Variants in TLE3 observed in about 807,000 individuals in gnomAD.
The protein encoded by TLE3 is transducin-like enhancer protein 3.
TLE3 carries 14 observed loss-of-function variants against 93.0 expected under a neutral mutation model. The ratio of observed to expected loss-of-function variants is 0.15; its 90% CI spans 0.10 to 0.24. TLE3 has a LOEUF of 0.24. Among genes scored for constraint, TLE3 ranks in the 10% least tolerant of loss-of-function variants. TLE3 has a pLI of 1.00. For synonymous variants in TLE3, 451 were observed against 425.0 expected (o/e 1.06, Z -0.75); for missense variants, 693 against 1,046.6 (o/e 0.66, Z 4.66).
chr15:70,061,986 G>C (rs558358773), intron 8 of TLE3, among the ~76,000 whole-genome samples: 9 of 152,192 alleles, frequency 5.9e-5, no homozygotes, highest in Non-Finnish European at 8.8e-5. Context: ...GAGGCCAAGC[G>C]TGGCTCAGGG....
At chr15:70,095,746 C>G (rs1015921527) in intron 2 of TLE3, 105 bp from the exon 3 acceptor site, 2 of 1,381,772 alleles carry the variant, frequency 1.4e-6, no homozygotes, top group Non-Finnish European at 1.9e-6. Context: ...CCTGACACCC[C>G]CCCGGGGGCG....
chr15:70,075,983 AT>A (rs1595947781), intron 5 of TLE3, 112 bp downstream of exon 5: 7 of 983,106 alleles, frequency 7.1e-6, no homozygotes, highest in Non-Finnish European at 1.1e-5. Context: ...GTCAGTATGA[AT>A]GGACAGGGGC....
At chr15:70,074,814 T>C (rs2057362238) in intron 5 of TLE3, among the ~76,000 whole-genome samples, 1 of 152,248 alleles carries the variant, frequency 6.6e-6, no homozygotes, top group Non-Finnish European at 1.5e-5. Context: ...GTATTAGTTT[T>C]GTAATTGAAA....
chr15:70,065,976 C>CCAGCCCCCCCCCCCCCA, intron 7 of TLE3, 38 bp downstream of exon 7: 1 of 1,292,580 alleles, frequency 7.7e-7, no homozygotes, highest in Non-Finnish European at 1.1e-6. Flanking sequence ...CATGCCCACC[C>CCAGCCCCCCCCCCCCCA]CTGCCCCGCC....
intron 9 of TLE3, 98 bp downstream of exon 9, chr15:70,060,432 C>A: frequency 1.3e-6 from 2 of 1,519,724 alleles, no homozygotes; most frequent in South Asian, 1.2e-5. Context: ...TGACTCACTG[C>A]CAACCACAAG....
At chr15:70,067,232 C>T (rs988191280) in intron 6 of TLE3, among the ~76,000 whole-genome samples, 6 of 152,176 alleles carry the variant, frequency 3.9e-5, no homozygotes, top group Non-Finnish European at 7.3e-5. Flanking sequence ...CCTCTCCCTT[C>T]GCCCCACCCA....
chr15:70,074,081 T>C (rs1461175868), intron 6 of TLE3, among the ~76,000 whole-genome samples: 2 of 152,254 alleles, frequency 1.3e-5, no homozygotes, highest in East Asian at 1.9e-4. Flanking sequence ...CACAGCACGA[T>C]GCACATCAAC....
intron 18 of TLE3, 128 bp downstream of exon 18, chr15:70,052,246 G>C (rs191814780): frequency 9.3e-5 from 111 of 1,198,286 alleles, no homozygotes; most frequent in Middle Eastern, 8.8e-4. Context: ...CCAGCTCAGG[G>C]GTCAGGAGGC....
Position 70,076,171 on chromosome 15 carries a change from G to C in TLE3, c.235-13C>G, listed in dbSNP as rs1595948737. 1 of 1,613,542 alleles carries C rather than the reference G, an allele frequency of 6.2e-7. No homozygotes were observed. The highest frequency in any genetic ancestry group is 1.3e-5 in the African/African-American group (1 of 74,932). ...TCGCAATCTCTGTCTGCAAAGGCAA[G>C]GAGACCACATGAAGCTCAGGCAAAT... On this transcript the variant is annotated splice_polypyrimidine_tract_variant and intron_variant, in intron 4 of 19. Transcript: ENST00000451782.
intron 14 of TLE3, chr15:70,056,048 T>C (rs2055991060): frequency 1.0e-5 from 6 of 575,784 alleles, no homozygotes; most frequent in East Asian, 3.0e-5. Context: ...CCAGTGGCCA[T>C]GTACTTAGCT....
At chr15:70,083,247 C>T (rs1195178713) in intron 4 of TLE3, among the ~76,000 whole-genome samples, 1 of 85,828 alleles carries the variant, frequency 1.2e-5, no homozygotes, top group East Asian at 3.5e-4. Flanking sequence ...AGCTCAAGTC[C>T]CTCCTGGCTT....
At chr15:70,055,382 G>GC in intron 14 of TLE3, 84 bp from the exon 15 acceptor site, 2 of 1,497,930 alleles carry the variant, frequency 1.3e-6, no homozygotes, top group Non-Finnish European at 1.8e-6. Context: ...CATCTGCACT[G>GC]CCCCCGACTG....
intron 4 of TLE3, among the ~76,000 whole-genome samples, chr15:70,080,039 C>T (rs2057685199): frequency 7.0e-6 from 1 of 143,626 alleles, no homozygotes; most frequent in Admixed American, 7.2e-5. Context: ...CTCAAACAAG[C>T]TCTAAACATC....
At chr15:70,073,560 G>T (rs1194457936) in intron 6 of TLE3, among the ~76,000 whole-genome samples, 1 of 152,222 alleles carries the variant, frequency 6.6e-6, no homozygotes, top group Non-Finnish European at 1.5e-5. Context: ...TAGGAACACA[G>T]ATTTCCAGTC....
chr15:70,061,331 T>G (rs35104041), intron 8 of TLE3, among the ~76,000 whole-genome samples: 40,476 of 151,922 alleles, frequency 0.27, 6,856 homozygotes, highest in Middle Eastern at 0.46. Flanking sequence ...GCAGGGACAG[T>G]CACTGCCTCT....
chr15:70,079,329 G>T (rs769293527), intron 4 of TLE3: 11 of 494,524 alleles, frequency 2.2e-5, no homozygotes, highest in Non-Finnish European at 4.5e-5. Context: ...AAGGCAGGAA[G>T]GACTTTGGCA....
At chr15:70,067,957 T>C (rs1202926342) in intron 6 of TLE3, among the ~76,000 whole-genome samples, 2 of 152,170 alleles carry the variant, frequency 1.3e-5, no homozygotes, top group Non-Finnish European at 2.9e-5. Flanking sequence ...TGAGACACTA[T>C]GGCAGACACA....
rs1318014658 is a variant in TLE3 at position 70,096,057 on chromosome 15, G to A, written c.125+104C>T. On this transcript the variant is annotated intron_variant, in intron 2 of 19. Coordinates refer to ENST00000451782, the MANE Select transcript of TLE3 (RefSeq NM_001105192.3). ...AGGCGGAGGCCCGGGCTGCCCCGCCGCCCCTAGGTCGGGAGCCCCCTCCGT... is the reference window on the plus strand; with the variant it reads ...AGGCGGAGGCCCGGGCTGCCCCGCCACCCCTAGGTCGGGAGCCCCCTCCGT... 4.5e-6 allele frequency: 6 copies of A among 1,321,826 alleles called. No homozygotes were observed. The East Asian group carries it at 1.0e-4, about 22-fold the overall frequency. The allele number at this position is 1,321,826 out of a possible 1,614,324, so 81.9% of individuals were successfully genotyped here. A position where few individuals can be genotyped will look rare whatever the true frequency, so the allele number is the denominator to read the frequency against.
chr15:70,093,323 T>G (rs1004889486), intron 4 of TLE3, among the ~76,000 whole-genome samples: 8 of 152,194 alleles, frequency 5.3e-5, no homozygotes, highest in African/African-American at 1.9e-4. Context: ...GAAAGGAAAC[T>G]ACAGATCCCA....
Sources: allele counts gnomAD v4.1 joint callset (sites outside exome capture counted in the v4.1 genomes callset), GRCh38; gene constraint gnomAD v4.1.1; transcripts MANE v1.5; gene names NCBI Gene and HGNC (gene_info 2026-07-23, HGNC 2026-07-21).